Variants in GSE1 observed in about 807,000 individuals in gnomAD.
The protein encoded by GSE1 is genetic suppressor element 1.
GSE1 carries 32 observed loss-of-function variants against 112.6 expected under a neutral mutation model. The observed-to-expected ratio is 0.28, with a 90% CI of 0.21 to 0.38. The LOEUF is 0.38. Among genes scored for constraint, GSE1 ranks in the 10% least tolerant of loss-of-function variants. The pLI is 1.00. For synonymous variants in GSE1, 1,115 were observed against 735.6 expected, an observed-to-expected ratio of 1.52 and a Z score of -8.35; for missense variants, 2,348 against 1,699.2, an observed-to-expected ratio of 1.38 and a Z score of -6.71.
Position 85,591,696 on chromosome 16 carries a change from T to C in GSE1, c.37+35333T>C, listed in dbSNP as rs115096878. Among the ~76,000 whole-genome samples, 796 of 152,366 alleles carry C rather than the reference T, an allele frequency of 5.2e-3. 8 individuals carry two copies. Among genetic ancestry groups the C allele is most frequent in the African/African-American group, 0.018 (757 of 41,592 alleles). On this transcript the variant is annotated intron_variant, in intron 1 of 2. Transcript: ENST00000635906. ...GGGTCCGGACCTCACCGGGACTCCGTCGGCTCCTTTTCAAAATCAACTGTT... is the reference window on the plus strand; with the variant it reads ...GGGTCCGGACCTCACCGGGACTCCGCCGGCTCCTTTTCAAAATCAACTGTT...
At chr16:85,632,721 G>C (rs943185983) in intron 1 of GSE1, among the ~76,000 whole-genome samples, 2 of 152,150 alleles carry the variant, frequency 1.3e-5, no homozygotes, top group African/African-American at 4.8e-5. Flanking sequence ...CGCCCCTCTT[G>C]TGTGTTGCCC....
rs2053443211 is a variant in GSE1 at position 85,672,625 on chromosome 16, G to C, written c.*86G>C. The C allele has an allele frequency of 2.1e-6, 2 of 970,468 alleles. No individual in the cohort carries two copies. The highest frequency in any genetic ancestry group is 1.6e-5 in the African/African-American group (1 of 60,896). The allele number at this position is 970,468 out of a possible 1,614,324, so 60.1% of individuals were successfully genotyped here. ...GAATATTTAATATTTTTCACTGGGA[G>C]GTTTGAAGCTTACAAAATGAGAATG... On this transcript the variant is annotated 3_prime_UTR_variant, in exon 16 of 16. Coordinates refer to ENST00000253458, the MANE Select transcript of GSE1 (RefSeq NM_014615.5).
At chr16:85,243,390 C>G (rs535455453) in intron 1 of GSE1, among the ~76,000 whole-genome samples, 1 of 152,202 alleles carries the variant, frequency 6.6e-6, no homozygotes, top group African/African-American at 2.4e-5. Flanking sequence ...GGGGCTTACC[C>G]CAAACGGGGA....
intron 1 of GSE1, among the ~76,000 whole-genome samples, chr16:85,299,830 G>T (rs993230011): frequency 2.6e-5 from 4 of 151,742 alleles, no homozygotes; most frequent in Non-Finnish European, 5.9e-5. Context: ...CAGCTAATCA[G>T]GAGGCAGAGG....
chr16:85,398,961 C>G (rs1367659818), intron 2 of GSE1, among the ~76,000 whole-genome samples: 1 of 152,058 alleles, frequency 6.6e-6, no homozygotes, highest in Non-Finnish European at 1.5e-5. Context: ...GTGTGTGCCT[C>G]TGGGTGTGTG....
intron 2 of GSE1, among the ~76,000 whole-genome samples, chr16:85,493,279 A>G (rs1162284327): frequency 2.0e-5 from 3 of 151,900 alleles, no homozygotes; most frequent in East Asian, 3.9e-4. Context: ...GTGAGACCCC[A>G]TTTCTATAAC....
At chr16:85,257,654 C>T (rs1269881348) in intron 1 of GSE1, among the ~76,000 whole-genome samples, 1 of 152,168 alleles carries the variant, frequency 6.6e-6, no homozygotes, top group Non-Finnish European at 1.5e-5. Context: ...CTACAAAAAA[C>T]TTAAAAATTG....
chr16:85,227,126 C>T (rs1006680674), intron 1 of GSE1, among the ~76,000 whole-genome samples: 2 of 152,154 alleles, frequency 1.3e-5, no homozygotes, highest in African/African-American at 2.4e-5. Context: ...TCCATCCATC[C>T]ATCCGCCCAC....
At chr16:85,582,324 G>A (rs941323458) in intron 1 of GSE1, among the ~76,000 whole-genome samples, 4 of 152,316 alleles carry the variant, frequency 2.6e-5, no homozygotes, top group South Asian at 2.1e-4. Flanking sequence ...CCATCCCTTC[G>A]CCTTCGGGTG....
intron 2 of GSE1, among the ~76,000 whole-genome samples, chr16:85,643,602 G>T (rs1253063526): frequency 2.0e-5 from 3 of 152,218 alleles, no homozygotes; most frequent in Non-Finnish European, 4.4e-5. Context: ...GGGAGGTGGG[G>T]TTCAGAGGGA....
intron 2 of GSE1, among the ~76,000 whole-genome samples, chr16:85,505,299 G>A (rs1404795940): frequency 6.6e-6 from 1 of 152,094 alleles, no homozygotes; most frequent in Non-Finnish European, 1.5e-5. Flanking sequence ...AGGGACACCC[G>A]AGACCACTTC....
intron 2 of GSE1, among the ~76,000 whole-genome samples, chr16:85,545,592 T>C (rs905381989): frequency 3.9e-5 from 6 of 152,192 alleles, no homozygotes; most frequent in African/African-American, 1.4e-4. Context: ...GTCACTTCAC[T>C]TTTCTAGGGC....
At chr16:85,660,103 G>A (rs979852919) in intron 8 of GSE1, among the ~76,000 whole-genome samples, 2 of 152,244 alleles carry the variant, frequency 1.3e-5, no homozygotes. Context: ...TGTGTCATGT[G>A]TCCCTACAAG....
intron 1 of GSE1, among the ~76,000 whole-genome samples, chr16:85,314,639 C>T (rs990434413): frequency 2.0e-5 from 3 of 152,230 alleles, no homozygotes; most frequent in African/African-American, 7.2e-5. Flanking sequence ...TTCCTGAACA[C>T]CTGCTCCCCT....
At chr16:85,622,708 T>C (rs1317079875) in intron 1 of GSE1, among the ~76,000 whole-genome samples, 4 of 152,214 alleles carry the variant, frequency 2.6e-5, no homozygotes, top group Admixed American at 2.6e-4. Flanking sequence ...TGAGCTTGCT[T>C]TGATTCAGGG....
At chr16:85,659,890 C>T (rs1412528962) in intron 8 of GSE1, among the ~76,000 whole-genome samples, 2 of 152,236 alleles carry the variant, frequency 1.3e-5, no homozygotes, top group Non-Finnish European at 2.9e-5. Flanking sequence ...CTGCCACAGG[C>T]CACTTGGGCA....
exon 1 of GSE1, chr16:85,556,363 G>A: frequency 1.0e-6 from 1 of 984,602 alleles, no homozygotes; most frequent in Non-Finnish European, 1.2e-6. Context: ...TTACTTACCA[G>A]GTAAGCGAGC....
chr16:85,325,243 A>G (rs193093198), intron 1 of GSE1, among the ~76,000 whole-genome samples: 1 of 152,178 alleles, frequency 6.6e-6, no homozygotes, highest in Admixed American at 6.5e-5. Context: ...TACTTGGATT[A>G]TAGGCATGAA....
At chr16:85,503,441 G>C (rs1275592102) in intron 2 of GSE1, among the ~76,000 whole-genome samples, 1 of 152,166 alleles carries the variant, frequency 6.6e-6, no homozygotes, top group Non-Finnish European at 1.5e-5. Flanking sequence ...CCTCGGCCTT[G>C]AGAGAACTCT....
Sources: gnomAD v4.1 joint callset for allele counts (sites outside exome capture counted in the v4.1 genomes callset) on GRCh38, gnomAD v4.1.1 for gene constraint, MANE v1.5 for transcripts, NCBI Gene and HGNC (gene_info 2026-07-23, HGNC 2026-07-21) for gene names.